ELOF1: variants seen among roughly 807,000 people sequenced by gnomAD.
ELOF1 encodes elongation factor 1.
Under a neutral mutation model 7.1 loss-of-function variants are expected in ELOF1, and 4 were observed. The observed-to-expected ratio is 0.56, with a 90% CI of 0.28 to 1.29. ELOF1 has a LOEUF of 1.29. ELOF1 is among the 50% of genes most tolerant of loss of function. The probability of loss-of-function intolerance (pLI) is 0.10; values close to 1 mark genes in which losing one functional copy is unlikely to be tolerated. For synonymous variants in ELOF1, 31 were observed against 31.9 expected (o/e 0.97, Z 0.09); for missense variants, 59 against 86.3 (o/e 0.68, Z 1.25).
intron 3 of ELOF1, chr19:11,553,434 G>A (rs997625874): frequency 4.9e-5 from 25 of 509,424 alleles, no homozygotes; most frequent in African/African-American, 4.0e-4. Context: ...AAAGGCTTTC[G>A]GAGCCAAGTG....
At chr19:11,558,350 A>T (rs1599621637) in intron 1 of ELOF1, among the ~76,000 whole-genome samples, 1 of 152,002 alleles carries the variant, frequency 6.6e-6, no homozygotes, top group Non-Finnish European at 1.5e-5. Flanking sequence ...TCCTGGGCTC[A>T]AGAGATACTC....
chr19:11,555,569 T>C (rs899441351), intron 1 of ELOF1: 2 of 152,436 alleles, frequency 1.3e-5, no homozygotes, highest in African/African-American at 2.4e-5. Flanking sequence ...TCGATCCAGA[T>C]GACAGACTGC....
chr19:11,554,465 C>T (rs983848186), intron 1 of ELOF1, 100 bp from the exon 2 acceptor site: 12 of 1,487,580 alleles, frequency 8.1e-6, no homozygotes, highest in South Asian at 6.7e-5. Context: ...GGACTTGCAC[C>T]GTGGTCCCGG....
At chr19:11,556,500 C>T (rs766048410) in intron 1 of ELOF1, among the ~76,000 whole-genome samples, 7 of 152,030 alleles carry the variant, frequency 4.6e-5, no homozygotes, top group Admixed American at 1.3e-4. Context: ...GGGGTTTCAC[C>T]GTGTTAGCCA....
chr19:11,554,430 G>C (rs1972796707), intron 1 of ELOF1, 65 bp from the exon 2 acceptor site: 5 of 1,566,730 alleles, frequency 3.2e-6, no homozygotes, highest in Non-Finnish European at 3.5e-6. Flanking sequence ...CAATGCTCTA[G>C]AAAGCAGGCC....
At chr19:11,557,242 G>A (rs535988551) in intron 1 of ELOF1, among the ~76,000 whole-genome samples, 233 of 152,194 alleles carry the variant, frequency 1.5e-3, no homozygotes, top group Non-Finnish European at 2.7e-3. Flanking sequence ...TGCCTCACTG[G>A]TGGCTCCTGC....
exon 3 of ELOF1, chr19:11,554,019 G>A (rs1482580180): frequency 6.2e-7 from 1 of 1,614,180 alleles, no homozygotes; most frequent in Admixed American, 1.7e-5. Context: ...ACACGTTATG[G>A]GCGTCTGGAA....
intron 3 of ELOF1, chr19:11,553,167 C>T (rs1309514440): frequency 2.0e-5 from 8 of 400,246 alleles, no homozygotes; most frequent in South Asian, 2.7e-4. Flanking sequence ...GGGAGGGGGG[C>T]GGCTCCCTGT....
At chr19:11,553,463 C>A in intron 3 of ELOF1, 1 of 583,336 alleles carries the variant, frequency 1.7e-6, no homozygotes, top group Non-Finnish European at 3.1e-6. Context: ...TCAGGCCCCT[C>A]AGGCCCAGGA....
chr19:11,558,792 A>C (rs966588405), intron 1 of ELOF1, among the ~76,000 whole-genome samples: 10 of 151,506 alleles, frequency 6.6e-5, no homozygotes, highest in African/African-American at 2.4e-4. Context: ...TTGCCCAGGG[A>C]CTACAGTCTC....
chr19:11,555,740 A>G (rs1182870138), intron 1 of ELOF1: 1 of 152,558 alleles, frequency 6.6e-6, no homozygotes, highest in Non-Finnish European at 1.5e-5. Context: ...TGAAAGGACA[A>G]AGTCACCCTG....
intron 3 of ELOF1, chr19:11,553,372 G>A (rs1304665636): frequency 1.1e-5 from 5 of 455,154 alleles, no homozygotes; most frequent in Non-Finnish European, 1.9e-5. Context: ...AATTCCGCCG[G>A]GGGGAGCCAG....
intron 1 of ELOF1, among the ~76,000 whole-genome samples, chr19:11,558,243 C>T (rs998241216): frequency 3.9e-5 from 6 of 152,032 alleles, no homozygotes; most frequent in African/African-American, 1.2e-4. Flanking sequence ...GCCCCTCTAC[C>T]TCTGAAATAT....
intron 3 of ELOF1, chr19:11,553,066 T>G (rs943981819): frequency 5.0e-6 from 2 of 399,760 alleles, no homozygotes; most frequent in Non-Finnish European, 8.8e-6. Flanking sequence ...CTGCTTTATT[T>G]AAGGGCTTGT....
chr19:11,553,578 CCACTACACACACACACA>C, intron 3 of ELOF1: 2 of 721,302 alleles, frequency 2.8e-6, no homozygotes, highest in South Asian at 3.5e-5. Flanking sequence ...ACACGCACAC[CCACTACACACACACACA>C]CACACACACA....
At chr19:11,554,584 C>T in intron 1 of ELOF1, 1 of 608,610 alleles carries the variant, frequency 1.6e-6, no homozygotes, top group Non-Finnish European at 2.8e-6. Flanking sequence ...ATCTCTCTCA[C>T]TTACTGCGTG....
chr19:11,556,588 C>T (rs1207032190), intron 1 of ELOF1, among the ~76,000 whole-genome samples: 1 of 152,006 alleles, frequency 6.6e-6, no homozygotes, highest in African/African-American at 2.4e-5. Context: ...CGTGAGCCAC[C>T]ACGCCCAGCC....
intron 3 of ELOF1, 78 bp from the exon 4 acceptor site, chr19:11,553,888 G>C: frequency 6.2e-7 from 1 of 1,610,774 alleles, no homozygotes; most frequent in Non-Finnish European, 8.5e-7. Flanking sequence ...AAATCACTAG[G>C]TGGCACCTGT....
intron 3 of ELOF1, chr19:11,553,554 TCACACCCACACC>T: frequency 1.5e-6 from 1 of 670,960 alleles, no homozygotes; most frequent in Non-Finnish European, 2.5e-6. Flanking sequence ...CCACACTCAC[TCACACCCACACC>T]CACACGCACA....
Sources: gnomAD v4.1 joint callset for allele counts (sites outside exome capture counted in the v4.1 genomes callset) on GRCh38, gnomAD v4.1.1 for gene constraint, MANE v1.5 for transcripts, NCBI Gene and HGNC (gene_info 2026-07-23, HGNC 2026-07-21) for gene names.